The following POU6F2 variants were observed in gnomAD, a reference collection of about 807,000 sequenced individuals.
POU6F2 encodes the protein POU domain, class 6, transcription factor 2.
Under a neutral mutation model 71.3 loss-of-function variants are expected in POU6F2, and 31 were observed. That is an observed-to-expected ratio of 0.43 (90% confidence interval 0.33 to 0.59). The LOEUF (loss-of-function observed/expected upper bound fraction) is 0.59, where lower values mean the gene tolerates loss of function less well. Among genes scored for constraint, POU6F2 ranks in the 20% least tolerant of loss-of-function variants. POU6F2 has a pLI of 0.04. For missense variants in POU6F2, 783 were observed against 856.8 expected (o/e 0.91, Z 1.07); for synonymous variants, 347 against 355.7 (o/e 0.98, Z 0.27).
At chr7:39,398,392 A>G (rs1447998271) in intron 5 of POU6F2, among the ~76,000 whole-genome samples, 5 of 132,152 alleles carry the variant, frequency 3.8e-5, no homozygotes, top group Non-Finnish European at 6.5e-5. Context: ...ATATAAAAGT[A>G]AAAAAAAAAA....
At chr7:39,288,331 C>T (rs116146199) in intron 4 of POU6F2, among the ~76,000 whole-genome samples, 1,883 of 152,278 alleles carry the variant, frequency 0.012, 46 homozygotes, top group African/African-American at 0.041. Flanking sequence ...CAAATAACCT[C>T]ACCTCTCTGA....
chr7:39,270,600 G>C (rs932666338), intron 4 of POU6F2, among the ~76,000 whole-genome samples: 1 of 152,168 alleles, frequency 6.6e-6, no homozygotes, highest in African/African-American at 2.4e-5. Context: ...GTAATGAAGT[G>C]TATGTGGGGC....
chr7:39,185,800 T>C (rs1485235488), intron 2 of POU6F2, among the ~76,000 whole-genome samples: 1 of 134,702 alleles, frequency 7.4e-6, no homozygotes, highest in Non-Finnish European at 1.6e-5. Flanking sequence ...TTGGTATACA[T>C]ATATATATGT....
chr7:38,980,108 A>G (rs1298157538), intron 1 of POU6F2, among the ~76,000 whole-genome samples: 1 of 152,206 alleles, frequency 6.6e-6, no homozygotes, highest in African/African-American at 2.4e-5. Context: ...CCACATGTCT[A>G]AGAACTCTAC....
chr7:39,362,770 G>A (rs1383907862), intron 5 of POU6F2, among the ~76,000 whole-genome samples: 5 of 152,192 alleles, frequency 3.3e-5, no homozygotes, highest in African/African-American at 1.2e-4. Flanking sequence ...TGCTAGAGTA[G>A]GGGGTTACTC....
intron 2 of POU6F2, among the ~76,000 whole-genome samples, chr7:39,144,745 G>T (rs180895194): frequency 6.6e-6 from 1 of 152,180 alleles, no homozygotes; most frequent in Non-Finnish European, 1.5e-5. Flanking sequence ...AAAGATCTCA[G>T]GCAAAACTGT....
At chr7:39,411,609 G>T (rs1787551811) in intron 6 of POU6F2, among the ~76,000 whole-genome samples, 1 of 152,192 alleles carries the variant, frequency 6.6e-6, no homozygotes, top group African/African-American at 2.4e-5. Flanking sequence ...ACCTAGTCAG[G>T]TTACTCAAGA....
At chr7:39,436,177 G>T (rs1307586848) in intron 7 of POU6F2, among the ~76,000 whole-genome samples, 1 of 152,158 alleles carries the variant, frequency 6.6e-6, no homozygotes. Context: ...GTGGTAGTTT[G>T]ATGGGTATAG....
At chr7:39,336,163 T>A (rs1458589936) in intron 4 of POU6F2, among the ~76,000 whole-genome samples, 1 of 152,262 alleles carries the variant, frequency 6.6e-6, no homozygotes, top group Non-Finnish European at 1.5e-5. Context: ...TAACACTTTA[T>A]TAAATCTATT....
chr7:39,342,527 A>T (rs778176654), intron 5 of POU6F2, among the ~76,000 whole-genome samples: 2 of 152,216 alleles, frequency 1.3e-5, no homozygotes, highest in Non-Finnish European at 2.9e-5. Flanking sequence ...ATTATTCAAA[A>T]ATCTGCTGGA....
chr7:39,249,854 G>T (rs1005719319), intron 4 of POU6F2, among the ~76,000 whole-genome samples: 2 of 152,096 alleles, frequency 1.3e-5, no homozygotes, highest in African/African-American at 4.8e-5. Flanking sequence ...CATCAAACCT[G>T]CAGTATTGAT....
At chr7:39,164,923 C>T (rs1453317464) in intron 2 of POU6F2, among the ~76,000 whole-genome samples, 1 of 152,154 alleles carries the variant, frequency 6.6e-6, no homozygotes, top group Non-Finnish European at 1.5e-5. Flanking sequence ...GCATTAGGTA[C>T]ATTAGATATG....
intron 2 of POU6F2, among the ~76,000 whole-genome samples, chr7:39,165,191 TC>T (rs1793087281): frequency 6.6e-6 from 1 of 151,996 alleles, no homozygotes; most frequent in Non-Finnish European, 1.5e-5. Context: ...GCAACTACAC[TC>T]CCCCCAGCCC....
intron 4 of POU6F2, among the ~76,000 whole-genome samples, chr7:39,339,082 T>TTTAA (rs1554344615): frequency 2.8e-5 from 4 of 143,970 alleles, no homozygotes; most frequent in African/African-American, 1.0e-4. Flanking sequence ...TTTGAATTTT[T>TTTAA]AAAAAAAAAA....
chr7:39,310,874 A>T (rs895596951), intron 4 of POU6F2, among the ~76,000 whole-genome samples: 1 of 152,126 alleles, frequency 6.6e-6, no homozygotes, highest in African/African-American at 2.4e-5. Context: ...CCTGTGTCCA[A>T]GACAGAGGTG....
chr7:39,196,233 T>C (rs568470111), intron 2 of POU6F2, among the ~76,000 whole-genome samples: 38 of 152,312 alleles, frequency 2.5e-4, no homozygotes, highest in Admixed American at 1.3e-3. Context: ...GGTGACACCT[T>C]TCGAATGCTT....
At chr7:39,329,835 C>T (rs891395263) in intron 4 of POU6F2, among the ~76,000 whole-genome samples, 1 of 152,040 alleles carries the variant, frequency 6.6e-6, no homozygotes, top group African/African-American at 2.4e-5. Flanking sequence ...TGAGAGAGTC[C>T]AATTTAGGAG....
intron 2 of POU6F2, among the ~76,000 whole-genome samples, chr7:39,091,542 T>G (rs898794525): frequency 6.6e-6 from 1 of 152,228 alleles, no homozygotes; most frequent in South Asian, 2.1e-4. Context: ...GAGATTAATC[T>G]GTACATCATC....
At chr7:39,112,339 G>A (rs377226560) in intron 2 of POU6F2, among the ~76,000 whole-genome samples, 4 of 152,110 alleles carry the variant, frequency 2.6e-5, no homozygotes, top group South Asian at 2.1e-4. Context: ...AGAAGTGCTC[G>A]CTATAACAAA....
Sources: allele counts gnomAD v4.1 joint callset (sites outside exome capture counted in the v4.1 genomes callset), GRCh38; gene constraint gnomAD v4.1.1; transcripts MANE v1.5; gene names NCBI Gene and HGNC (gene_info 2026-07-23, HGNC 2026-07-21).